The following EEPD1 variants were observed in gnomAD, a reference collection of about 807,000 sequenced individuals.
EEPD1 encodes endonuclease/exonuclease/phosphatase family domain containing 1, also known as endonuclease/exonuclease/phosphatase family domain-containing protein 1.
A neutral mutation model predicts 46.3 loss-of-function variants in EEPD1; 17 were observed. That is an observed-to-expected ratio of 0.37 (90% CI 0.25 to 0.55). The LOEUF (loss-of-function observed/expected upper bound fraction) is 0.55, where lower values mean the gene tolerates loss of function less well. Ranked by LOEUF, EEPD1 falls within the 20% of genes least tolerant of loss-of-function variation. EEPD1 has a pLI of 0.83. For synonymous variants in EEPD1, 313 were observed against 315.6 expected (o/e 0.99, Z 0.09); for missense variants, 673 against 745.6 (o/e 0.90, Z 1.13).
chr7:36,182,224 T>C (rs1163714555), intron 2 of EEPD1, among the ~76,000 whole-genome samples: 3 of 152,206 alleles, frequency 2.0e-5, no homozygotes, highest in Non-Finnish European at 4.4e-5. Context: ...AAATTTCTGT[T>C]CTATAGTGTT....
intron 2 of EEPD1, among the ~76,000 whole-genome samples, chr7:36,179,697 TAAA>T (rs56263813): frequency 1.0e-3 from 86 of 85,454 alleles, no homozygotes; most frequent in African/African-American, 1.2e-3. Flanking sequence ...CTGTCTCTAC[TAAA>T]AAAAAAAAAA....
At chr7:36,183,022 G>T (rs1328277115) in intron 2 of EEPD1, among the ~76,000 whole-genome samples, 1 of 152,214 alleles carries the variant, frequency 6.6e-6, no homozygotes, top group Non-Finnish European at 1.5e-5. Flanking sequence ...GCCAGCCTGG[G>T]TGTCAGGGCA....
chr7:36,175,815 G>A (rs1179035347), intron 2 of EEPD1, among the ~76,000 whole-genome samples: 2 of 152,164 alleles, frequency 1.3e-5, no homozygotes, highest in African/African-American at 2.4e-5. Flanking sequence ...CCACCACTGT[G>A]GGGACCGCAG....
rs767324515 is a variant in EEPD1 at position 36,281,155 on chromosome 7, G to A, written c.971G>A (p.Arg324His). 15 of 1,614,162 alleles carry A rather than the reference G, an allele frequency of 9.3e-6. No homozygotes were observed. The highest frequency in any genetic ancestry group is 1.1e-5 in the South Asian group (1 of 91,082). ...AACCAGCCGACCCTGCCCAACATCC[G>A]CAAGTGGAAGGGGCCCCGGGGATGC... ...ELNQPTLPNI[R>H]KWKGPRGCWK... The change falls in exon 4 of 8, where the codon CGC becomes CAC. Residue 324 changes from arginine (R) to histidine (H), a missense_variant. Arg to His is a conservative substitution (Grantham distance 29). Coordinates refer to ENST00000242108, the MANE Select transcript of EEPD1 (RefSeq NM_030636.3).
chr7:36,288,602 A>C (rs1342182571), intron 6 of EEPD1, among the ~76,000 whole-genome samples: 2 of 152,086 alleles, frequency 1.3e-5, no homozygotes, highest in Non-Finnish European at 2.9e-5. Flanking sequence ...CTCTACAAAG[A>C]ACGAAAAAAA....
At chr7:36,260,961 A>G (rs1162750603) in intron 3 of EEPD1, among the ~76,000 whole-genome samples, 1 of 152,270 alleles carries the variant, frequency 6.6e-6, no homozygotes, top group Non-Finnish European at 1.5e-5. Flanking sequence ...AAGTAATCAT[A>G]TATAGGAAGA....
intron 3 of EEPD1, among the ~76,000 whole-genome samples, chr7:36,279,417 G>A (rs10244327): frequency 0.058 from 8,854 of 152,242 alleles, 319 homozygotes; most frequent in Middle Eastern, 0.12. Context: ...TCCCCACAGC[G>A]CTTGTCCCTC....
At chr7:36,169,603 G>A (rs1785043220) in intron 2 of EEPD1, among the ~76,000 whole-genome samples, 1 of 152,178 alleles carries the variant, frequency 6.6e-6, no homozygotes, top group Non-Finnish European at 1.5e-5. Context: ...AAAATACAAG[G>A]TATCTTTGTG....
At chr7:36,181,210 T>C (rs1785264924) in intron 2 of EEPD1, among the ~76,000 whole-genome samples, 1 of 151,992 alleles carries the variant, frequency 6.6e-6, no homozygotes, top group Non-Finnish European at 1.5e-5. Context: ...CATGACTCTG[T>C]CCCATGCCCT....
chr7:36,158,207 G>A (rs1276605930), intron 2 of EEPD1, among the ~76,000 whole-genome samples: 1 of 152,188 alleles, frequency 6.6e-6, no homozygotes, highest in Non-Finnish European at 1.5e-5. Flanking sequence ...ACTCAGCTGG[G>A]ACTGCGACCC....
At chr7:36,289,306 C>A (rs943152073) in intron 6 of EEPD1, among the ~76,000 whole-genome samples, 1 of 152,196 alleles carries the variant, frequency 6.6e-6, no homozygotes, top group African/African-American at 2.4e-5. Flanking sequence ...AACTGAAGCT[C>A]GGTACCCATT....
rs539738547 is a variant in EEPD1 at position 36,175,790 on chromosome 7, G to A, written c.878+20588G>A. On this transcript the variant is annotated intron_variant, in intron 2 of 7. Transcript: ENST00000242108. ...CCGCTGCTCCAGAGCCATTTTAAAG[G>A]TACAAGGAGCGGTGCCACCACTGTG... is the stretch of plus-strand genomic sequence containing the variant. Among the ~76,000 whole-genome samples, 13 of 152,296 alleles carry A rather than the reference G, an allele frequency of 8.5e-5. No homozygotes were observed. The South Asian group carries it at 2.7e-3, about 32-fold the overall frequency.
intron 3 of EEPD1, among the ~76,000 whole-genome samples, chr7:36,276,249 C>T (rs1412385695): frequency 6.6e-6 from 1 of 152,198 alleles, no homozygotes; most frequent in Non-Finnish European, 1.5e-5. Flanking sequence ...CCAAAACCCA[C>T]CAAAACCAAG....
In EEPD1 at chr7:36,223,273, G is replaced by A. The variant is rs1397841926; in HGVS notation, c.879-15712G>A. Reference sequence around the variant, plus strand: ...CCTCCTCACTATTGCATGCTGGGTGGAGCTGGTGTGCAAGGGCTCTTGGGA... The same window carrying A: ...CCTCCTCACTATTGCATGCTGGGTGAAGCTGGTGTGCAAGGGCTCTTGGGA... On this transcript the variant is annotated intron_variant, in intron 2 of 7. Coordinates refer to ENST00000242108, the MANE Select transcript of EEPD1 (RefSeq NM_030636.3). 2.0e-5 allele frequency among the ~76,000 whole-genome samples: 3 copies of A among 152,232 alleles called. No homozygotes were observed. In the East Asian group the frequency reaches 5.8e-4, roughly 29 times the overall value.
intron 2 of EEPD1, among the ~76,000 whole-genome samples, chr7:36,226,303 G>A (rs13231204): frequency 0.083 from 12,676 of 152,158 alleles, 766 homozygotes; most frequent in Admixed American, 0.16. Context: ...ACTAATAGCC[G>A]CCATTCCGAG....
intron 2 of EEPD1, among the ~76,000 whole-genome samples, chr7:36,224,359 G>A (rs2115752208): frequency 6.6e-6 from 1 of 152,260 alleles, no homozygotes; most frequent in Non-Finnish European, 1.5e-5. Context: ...CTTTACACAG[G>A]TGGATAGAAA....
Position 36,265,547 on chromosome 7 carries a change from T to A in EEPD1, c.931-15568T>A, listed in dbSNP as rs146764319. ...TACTCATAACTCATTTTCTTTGGAT[T>A]TGAGTACCTAAATAATTATTAATCC... On this transcript the variant is annotated intron_variant, in intron 3 of 7. Transcript: ENST00000242108. Among the ~76,000 whole-genome samples the A allele has an allele frequency of 3.2e-4, 49 of 152,346 alleles. 1 individual carries two copies. The East Asian group carries it at 9.4e-3, about 29-fold the overall frequency.
intron 3 of EEPD1, among the ~76,000 whole-genome samples, chr7:36,271,513 C>CT (rs1392609519): frequency 6.6e-6 from 1 of 152,062 alleles, no homozygotes; most frequent in Non-Finnish European, 1.5e-5. Context: ...GATATTAGCC[C>CT]TTTGTCGGAC....
At chr7:36,279,954 G>A (rs1301468550) in intron 3 of EEPD1, among the ~76,000 whole-genome samples, 5 of 152,294 alleles carry the variant, frequency 3.3e-5, no homozygotes, top group Non-Finnish European at 1.5e-5. Flanking sequence ...GAGAAGACAG[G>A]ACTCTGAAAC....
Sources: gnomAD v4.1 joint callset for allele counts (sites outside exome capture counted in the v4.1 genomes callset) on GRCh38, gnomAD v4.1.1 for gene constraint, MANE v1.5 for transcripts, NCBI Gene and HGNC (gene_info 2026-07-23, HGNC 2026-07-21) for gene names.